The following GFRA2 variants were observed in gnomAD, a reference collection of about 807,000 sequenced individuals.
The protein encoded by GFRA2 is GDNF family receptor alpha 2.
A neutral mutation model predicts 48.3 loss-of-function variants in GFRA2; 17 were observed. That is an observed-to-expected ratio of 0.35 (90% CI 0.24 to 0.53). The LOEUF (loss-of-function observed/expected upper bound fraction) is 0.53, where lower values mean the gene tolerates loss of function less well. Among genes scored for constraint, GFRA2 ranks in the 20% least tolerant of loss-of-function variants. The pLI is 0.93. For synonymous variants in GFRA2, 305 were observed against 257.2 expected (o/e 1.19, Z -1.78); for missense variants, 660 against 637.3 (o/e 1.04, Z -0.38).
At chr8:21,734,716 C>T (rs1804364827) in intron 4 of GFRA2, among the ~76,000 whole-genome samples, 1 of 152,244 alleles carries the variant, frequency 6.6e-6, no homozygotes, top group Admixed American at 6.5e-5. Flanking sequence ...CCTGTCACTC[C>T]TTAGCTGGAT....
At chr8:21,775,995 G>GTA (rs1465692953) in intron 2 of GFRA2, among the ~76,000 whole-genome samples, 2 of 71,650 alleles carry the variant, frequency 2.8e-5, no homozygotes, top group African/African-American at 1.6e-4. Flanking sequence ...TCCTCTGTGT[G>GTA]TGTGTGTGTG....
chr8:21,768,408 C>T (rs1806282603), intron 3 of GFRA2, among the ~76,000 whole-genome samples: 1 of 152,206 alleles, frequency 6.6e-6, no homozygotes, highest in East Asian at 1.9e-4. Context: ...TCTTCCCTGC[C>T]CTCAGCCCCC....
chr8:21,784,302 A>G, intron 1 of GFRA2: 1 of 456,258 alleles, frequency 2.2e-6, no homozygotes, highest in Admixed American at 2.3e-5. Context: ...CACCAGGAAA[A>G]GCCCGCACCA....
chr8:21,713,615 C>T (rs1803181825), intron 4 of GFRA2, among the ~76,000 whole-genome samples: 1 of 152,022 alleles, frequency 6.6e-6, no homozygotes, highest in African/African-American at 2.4e-5. Context: ...TACAGGTGGA[C>T]TTTCTATAGG....
intron 2 of GFRA2, among the ~76,000 whole-genome samples, chr8:21,775,818 C>G (rs1806666140): frequency 6.6e-6 from 1 of 152,060 alleles, no homozygotes. Context: ...CTTGGGGGCT[C>G]AGGAATGGAA....
intron 3 of GFRA2, among the ~76,000 whole-genome samples, chr8:21,755,960 G>T (rs28498178): frequency 0.1 from 15,850 of 152,230 alleles, 2,524 homozygotes; most frequent in African/African-American, 0.35. Flanking sequence ...GCCTCTAAGG[G>T]ACAGGTTCTC....
chr8:21,791,087 C>T (rs2117101566), upstream of GFRA2, among the ~76,000 whole-genome samples: 1 of 152,286 alleles, frequency 6.6e-6, no homozygotes, highest in South Asian at 2.1e-4. Flanking sequence ...AGAATTTCTG[C>T]TCAGCATATC....
intron 2 of GFRA2, among the ~76,000 whole-genome samples, chr8:21,799,027 A>G (rs1807725046): frequency 6.6e-6 from 1 of 152,192 alleles, no homozygotes; most frequent in African/African-American, 2.4e-5. Flanking sequence ...GTGTAGAATG[A>G]ATGAATGGGC....
Position 21,760,352 on chromosome 8 carries a change from A to C in GFRA2, c.440-9410T>G, listed in dbSNP as rs181302648. Reference sequence around the variant, plus strand: ...TGCTGAAGCAGCAGAAAGCTAGTGGAGGCTGGGGTGGGGTGGTGACTGCAG... The same window carrying C: ...TGCTGAAGCAGCAGAAAGCTAGTGGCGGCTGGGGTGGGGTGGTGACTGCAG... On this transcript the variant is annotated intron_variant, in intron 3 of 8. Coordinates refer to ENST00000524240, the MANE Select transcript of GFRA2 (RefSeq NM_001495.5). Among the ~76,000 whole-genome samples the C allele has an allele frequency of 3.1e-4, 47 of 152,290 alleles. No homozygotes were observed. In the East Asian group the frequency reaches 7.1e-3, roughly 23 times the overall value.
chr8:21,741,956 C>A (rs1232442966), intron 4 of GFRA2, among the ~76,000 whole-genome samples: 1 of 147,414 alleles, frequency 6.8e-6, no homozygotes, highest in Non-Finnish European at 1.5e-5. Context: ...AAGAAAGATG[C>A]CAATGAGGTA....
At chr8:21,776,092 C>T (rs1161454572) in intron 2 of GFRA2, among the ~76,000 whole-genome samples, 4 of 151,540 alleles carry the variant, frequency 2.6e-5, no homozygotes, top group African/African-American at 9.7e-5. Context: ...CAGGCAGGGC[C>T]TGGTGCCCAG....
At chr8:21,809,134 C>T (rs1021023501) in intron 1 of GFRA2, among the ~76,000 whole-genome samples, 7 of 152,250 alleles carry the variant, frequency 4.6e-5, no homozygotes, top group Admixed American at 3.9e-4. Flanking sequence ...CCCAACATCA[C>T]GCAAGGAGTA....
chr8:21,801,825 C>T (rs1585353111), intron 2 of GFRA2, among the ~76,000 whole-genome samples: 1 of 152,200 alleles, frequency 6.6e-6, no homozygotes, highest in East Asian at 1.9e-4. Flanking sequence ...GCCCGCAGCC[C>T]TCGCCAAACT....
In GFRA2 at chr8:21,692,302, G is replaced by A. The variant is rs1461086690; in HGVS notation, c.*976C>T. ...TATATACATATATGTTAGGAGAGGA[G>A]CCCCGGTATGTACATACAGTTGACG... On this transcript the variant is annotated 3_prime_UTR_variant, in exon 9 of 9. Coordinates refer to ENST00000524240, the MANE Select transcript of GFRA2 (RefSeq NM_001495.5). 6.6e-6 allele frequency: 1 copy of A among 152,116 alleles called. No individual in the cohort carries two copies. The highest frequency in any genetic ancestry group is 6.5e-5 in the Admixed American group (1 of 15,268). The allele number at this position is 152,116 out of a possible 1,614,324, so 9.4% of individuals were successfully genotyped here.
intron 4 of GFRA2, among the ~76,000 whole-genome samples, chr8:21,725,549 C>T (rs995058367): frequency 1.3e-5 from 2 of 152,188 alleles, no homozygotes; most frequent in African/African-American, 4.8e-5. Context: ...TACTAAGAGA[C>T]CAACCAAACT....
chr8:21,701,077 C>T (rs1802449766), intron 7 of GFRA2, among the ~76,000 whole-genome samples: 1 of 152,222 alleles, frequency 6.6e-6, no homozygotes. Context: ...CTTCCAGCTC[C>T]CAGCATGGGA....
At chr8:21,811,508 C>T (rs572997260) in intron 1 of GFRA2, among the ~76,000 whole-genome samples, 7 of 152,160 alleles carry the variant, frequency 4.6e-5, no homozygotes, top group Non-Finnish European at 7.3e-5. Flanking sequence ...GGCAGGAACC[C>T]AAGGGTCTGG....
Position 21,728,829 on chromosome 8 carries a change from G to A in GFRA2, c.794+21759C>T, listed in dbSNP as rs139119781. Among the ~76,000 whole-genome samples the A allele has an allele frequency of 1.5e-3, 234 of 152,334 alleles. 1 individual carries two copies. Among genetic ancestry groups the A allele is most frequent in the Middle Eastern group, 0.014 (4 of 294 alleles). ...AGGGTTATAAAGGGTACGTATGCACGGTTTGACATGGAAATTCCTAAAATG... is the reference window on the plus strand; with the variant it reads ...AGGGTTATAAAGGGTACGTATGCACAGTTTGACATGGAAATTCCTAAAATG... On this transcript the variant is annotated intron_variant, in intron 4 of 8. Transcript: ENST00000524240.
chr8:21,695,876 G>A (rs780079661), intron 7 of GFRA2, among the ~76,000 whole-genome samples: 1 of 152,028 alleles, frequency 6.6e-6, no homozygotes, highest in Non-Finnish European at 1.5e-5. Flanking sequence ...GACATCCTAT[G>A]GCTTGTTGGA....
Sources: allele counts gnomAD v4.1 joint callset (sites outside exome capture counted in the v4.1 genomes callset), GRCh38; gene constraint gnomAD v4.1.1; transcripts MANE v1.5; gene names NCBI Gene and HGNC (gene_info 2026-07-23, HGNC 2026-07-21).